The following WWC1 variants were observed in gnomAD, a reference collection of about 807,000 sequenced individuals.
WWC1 encodes the protein WW and C2 domain containing 1.
A neutral mutation model predicts 138.4 loss-of-function variants in WWC1; 55 were observed. That is an observed-to-expected ratio of 0.40 (90% CI 0.32 to 0.50). The LOEUF is 0.50. Ranked by LOEUF, WWC1 falls within the 20% of genes least tolerant of loss-of-function variation. WWC1 has a pLI of 0.72. For synonymous variants in WWC1, 524 were observed against 564.9 expected (o/e 0.93, Z 1.03); for missense variants, 1,226 against 1,420.4 (o/e 0.86, Z 2.20).
chr5:168,376,293 A>T (rs201428888), intron 2 of WWC1, among the ~76,000 whole-genome samples: 14 of 150,972 alleles, frequency 9.3e-5, no homozygotes, highest in African/African-American at 3.4e-4. Flanking sequence ...ACCGCAGGTG[A>T]TCCTCCTGCC....
chr5:168,322,076 C>T (rs936825998), intron 1 of WWC1, among the ~76,000 whole-genome samples: 3 of 152,112 alleles, frequency 2.0e-5, no homozygotes, highest in Non-Finnish European at 4.4e-5. Context: ...AATTACTTGC[C>T]TTTTTAACTT....
intron 1 of WWC1, among the ~76,000 whole-genome samples, chr5:168,313,682 C>A (rs1049876006): frequency 2.0e-5 from 3 of 151,596 alleles, no homozygotes; most frequent in Non-Finnish European, 2.9e-5. Context: ...GAGGTACTTA[C>A]GCATGTTAAC....
intron 15 of WWC1, among the ~76,000 whole-genome samples, chr5:168,431,696 G>C (rs984453918): frequency 2.0e-5 from 3 of 152,188 alleles, no homozygotes; most frequent in African/African-American, 7.2e-5. Context: ...TAATGGACCT[G>C]AAAGTGCCTT....
At position 168,406,193 on chromosome 5, in the gene WWC1, C is replaced by T; in HGVS notation, c.591-5C>T. ...GGCTGACCTTTCCCATTAACTGTCT[C>T]CTAGAATCGATAAGAAAATGTCTGA... On this transcript the variant is annotated splice_polypyrimidine_tract_variant and splice_region_variant and intron_variant, in intron 5 of 22. Coordinates refer to ENST00000265293, the MANE Select transcript of WWC1 (RefSeq NM_015238.3). 2 of 1,613,588 alleles carry T rather than the reference C, an allele frequency of 1.2e-6. No individual in the cohort carries two copies. The highest frequency in any genetic ancestry group is 1.7e-6 in the Non-Finnish European group (2 of 1,179,666).
At chr5:168,431,569 C>T (rs780886255) in intron 15 of WWC1, 125 bp downstream of exon 15, 34 of 1,086,426 alleles carry the variant, frequency 3.1e-5, no homozygotes, top group Non-Finnish European at 4.2e-5. Flanking sequence ...TCGAAGGAGA[C>T]GCAGGTTGTG....
At chr5:168,353,780 G>A (rs1775178932) in intron 1 of WWC1, among the ~76,000 whole-genome samples, 1 of 152,224 alleles carries the variant, frequency 6.6e-6, no homozygotes, top group Admixed American at 6.5e-5. Flanking sequence ...CAGGGCCCAA[G>A]CTACTTCCTG....
chr5:168,347,460 T>C (rs1774570704), intron 1 of WWC1, among the ~76,000 whole-genome samples: 1 of 152,214 alleles, frequency 6.6e-6, no homozygotes, highest in African/African-American at 2.4e-5. Context: ...TAGGATTTCT[T>C]TGGACCTTTC....
intron 12 of WWC1, 80 bp downstream of exon 12, chr5:168,428,221 G>A: frequency 7.0e-7 from 1 of 1,434,502 alleles, no homozygotes; most frequent in South Asian, 1.3e-5. Context: ...CCTGTGGAGA[G>A]GCTTAGGTTT....
At position 168,406,230 on chromosome 5, in the gene WWC1, G is replaced by C. The variant is rs1272460272; in HGVS notation, c.623G>C (p.Ser208Thr). The stretch of plus-strand genomic sequence containing the variant: ...AAGAAAATGTCTGATGCTCAGGGCA[G>C]CTACAAACTGGATGAAGCTCAGGCT... ...IDKKMSDAQGSYKLDEAQAVL... is the reference protein window; with the variant it reads ...IDKKMSDAQGTYKLDEAQAVL... Residue 208 changes from serine to threonine, a missense_variant, in exon 6 of 23, where the codon AGC (serine) becomes ACC (threonine). Transcript: ENST00000265293. 3.7e-6 allele frequency: 6 copies of C among 1,613,936 alleles called. No individual in the cohort carries two copies. Among genetic ancestry groups the C allele is most frequent in the Non-Finnish European group, 5.1e-6 (6 of 1,179,962 alleles).
intron 9 of WWC1, among the ~76,000 whole-genome samples, chr5:168,418,115 C>T (rs891081753): frequency 6.6e-6 from 1 of 152,178 alleles, no homozygotes; most frequent in African/African-American, 2.4e-5. Flanking sequence ...TTATTATGCT[C>T]CTCATCTTCA....
chr5:168,383,360 A>G (rs1027375696), intron 2 of WWC1, among the ~76,000 whole-genome samples: 11 of 152,156 alleles, frequency 7.2e-5, no homozygotes, highest in African/African-American at 2.7e-4. Flanking sequence ...TTTAAGAGAT[A>G]CAAAAGTAGA....
intron 1 of WWC1, among the ~76,000 whole-genome samples, chr5:168,294,012 T>C (rs1257795126): frequency 3.3e-5 from 5 of 152,136 alleles, no homozygotes; most frequent in Non-Finnish European, 7.3e-5. Context: ...TTCAAACATA[T>C]GTGACCTGCC....
At chr5:168,389,218 G>T (rs1010531682) in intron 3 of WWC1, among the ~76,000 whole-genome samples, 1 of 152,106 alleles carries the variant, frequency 6.6e-6, no homozygotes, top group Non-Finnish European at 1.5e-5. Flanking sequence ...GGAGGCTGAG[G>T]CAGGTGGATC....
intron 17 of WWC1, among the ~76,000 whole-genome samples, chr5:168,448,616 A>ATTTTTT (rs756135846): frequency 0.017 from 2,002 of 117,486 alleles, 110 homozygotes; most frequent in African/African-American, 0.064. Context: ...CTCAAATAAG[A>ATTTTTT]TTTTTTTTTT....
intron 19 of WWC1, among the ~76,000 whole-genome samples, chr5:168,457,533 T>A (rs1048119192): frequency 1.3e-5 from 2 of 152,044 alleles, no homozygotes; most frequent in Non-Finnish European, 2.9e-5. Context: ...TTGCAAGCAA[T>A]GGAAATGGAC....
At chr5:168,462,382 G>C (rs1756894980) in intron 20 of WWC1, among the ~76,000 whole-genome samples, 1 of 152,122 alleles carries the variant, frequency 6.6e-6, no homozygotes. Flanking sequence ...CTCTTCTGTA[G>C]CTGGCTTGTA....
chr5:168,445,732 G>A (rs1582327011), intron 17 of WWC1, among the ~76,000 whole-genome samples: 1 of 143,518 alleles, frequency 7.0e-6, no homozygotes, highest in Admixed American at 6.9e-5. Flanking sequence ...AAAAGAGTAA[G>A]CAGTCCAAGG....
intron 11 of WWC1, among the ~76,000 whole-genome samples, chr5:168,427,130 G>A (rs1485269898): frequency 2.0e-5 from 3 of 152,186 alleles, no homozygotes; most frequent in Non-Finnish European, 4.4e-5. Flanking sequence ...AGGGTCCAGG[G>A]GCTGTTATTT....
chr5:168,418,812 A>G (rs192595077), intron 9 of WWC1, among the ~76,000 whole-genome samples: 17 of 152,120 alleles, frequency 1.1e-4, no homozygotes, highest in Admixed American at 5.2e-4. Context: ...TTCCTTTTAT[A>G]CTGGGTCAAG....
Sources: allele counts gnomAD v4.1 joint callset (sites outside exome capture counted in the v4.1 genomes callset), GRCh38; gene constraint gnomAD v4.1.1; transcripts MANE v1.5; gene names NCBI Gene and HGNC (gene_info 2026-07-23, HGNC 2026-07-21).